Variants in ABCB1 observed in about 807,000 individuals in gnomAD.
ABCB1 encodes the protein ATP-dependent translocase ABCB1.
Under a neutral mutation model 142.0 loss-of-function variants are expected in ABCB1, and 69 were observed. The observed-to-expected ratio is 0.49, with a 90% CI of 0.40 to 0.59. The LOEUF (loss-of-function observed/expected upper bound fraction) is 0.59. Among genes scored for constraint, ABCB1 ranks in the 20% least tolerant of loss-of-function variants. The pLI is 0.00. For synonymous variants in ABCB1, 532 were observed against 539.2 expected (o/e 0.99, Z 0.18); for missense variants, 1,326 against 1,554.7 (o/e 0.85, Z 2.47).
rs144340377 is a variant in ABCB1 at position 87,625,413 on chromosome 7, G to A, written c.-330-24335C>T. ...AGGATATTAACATCTCACTTTTCTCGTTCTGTCATGACCACTCACTTTTAT... is the reference window on the plus strand; with the variant it reads ...AGGATATTAACATCTCACTTTTCTCATTCTGTCATGACCACTCACTTTTAT... On this transcript the variant is annotated intron_variant, in intron 1 of 28. Coordinates refer to the ABCB1 transcript ENST00000265724. Among the ~76,000 whole-genome samples the A allele has an allele frequency of 1.7e-3, 255 of 152,202 alleles. 1 individual carries two copies. The highest frequency in any genetic ancestry group is 5.0e-3 in the African/African-American group (206 of 41,518).
chr7:87,599,167 A>G (rs960657853), intron 2 of ABCB1, among the ~76,000 whole-genome samples: 2 of 152,132 alleles, frequency 1.3e-5, no homozygotes, highest in East Asian at 3.8e-4. Context: ...TTATCTTATA[A>G]TTTACATTAC....
intron 1 of ABCB1, chr7:87,700,430 C>A: frequency 6.2e-7 from 1 of 1,601,708 alleles, no homozygotes; most frequent in Non-Finnish European, 8.5e-7. Flanking sequence ...GGTCAAGTAA[C>A]CTGGTTTGGT....
chr7:87,631,040 T>C (rs562803287), intron 1 of ABCB1, among the ~76,000 whole-genome samples: 9 of 152,368 alleles, frequency 5.9e-5, no homozygotes, highest in Admixed American at 3.3e-4. Context: ...AGTTACAGTT[T>C]ACACATAGAT....
At chr7:87,703,885 C>CTTTTTTTTTTTTTTTTTTTTTTTT in intron 1 of ABCB1, among the ~76,000 whole-genome samples, 15 of 60,288 alleles carry the variant, frequency 2.5e-4, no homozygotes, top group Non-Finnish European at 3.5e-4. Flanking sequence ...TCAGTTTTTT[C>CTTTTTTTTTTTTTTTTTTTTTTTT]TTTTTTTTTT....
Position 87,661,465 on chromosome 7 carries a change from A to G in ABCB1, c.-331+51696T>C, listed in dbSNP as rs533477403. 9.3e-5 allele frequency among the ~76,000 whole-genome samples: 14 copies of G among 150,962 alleles called. No homozygotes were observed. In the East Asian group the frequency reaches 1.4e-3, roughly 15 times the overall value. ...AACCATTATTTTACTCTCTATCTCT[A>G]TAAGTTTAACTGTTTTTAATTTTTA... is the stretch of plus-strand genomic sequence containing the variant. On this transcript the variant is annotated intron_variant, in intron 1 of 28. Transcript: ENST00000265724.
intron 1 of ABCB1, among the ~76,000 whole-genome samples, chr7:87,675,676 AAAAG>A (rs1020650033): frequency 2.0e-5 from 3 of 150,538 alleles, no homozygotes; most frequent in Non-Finnish European, 4.4e-5. Context: ...AAAAAAAGGA[AAAAG>A]AAAGAAGGAA....
At chr7:87,696,523 T>G (rs1409916154) in intron 1 of ABCB1, among the ~76,000 whole-genome samples, 1 of 152,186 alleles carries the variant, frequency 6.6e-6, no homozygotes, top group East Asian at 1.9e-4. Context: ...ATTATTTAGA[T>G]GAAATCCTAG....
chr7:87,666,069 C>A (rs1381285996), intron 1 of ABCB1, among the ~76,000 whole-genome samples: 2 of 152,094 alleles, frequency 1.3e-5, no homozygotes, highest in African/African-American at 4.8e-5. Flanking sequence ...CTGTCTTCCA[C>A]AATGACTGAT....
intron 4 of ABCB1, among the ~76,000 whole-genome samples, chr7:87,572,026 C>T (rs1381561293): frequency 6.6e-6 from 1 of 152,174 alleles, no homozygotes; most frequent in African/African-American, 2.4e-5. Context: ...GTCAATACAA[C>T]AATAAACTTT....
chr7:87,633,640 G>T (rs1346035850), intron 1 of ABCB1, among the ~76,000 whole-genome samples: 5 of 151,862 alleles, frequency 3.3e-5, no homozygotes, highest in African/African-American at 1.2e-4. Context: ...ACCTGGGAAA[G>T]TATATAACTA....
intron 1 of ABCB1, among the ~76,000 whole-genome samples, chr7:87,652,664 A>G (rs1823702769): frequency 1.3e-5 from 2 of 148,216 alleles, no homozygotes; most frequent in Admixed American, 1.3e-4. Flanking sequence ...GTATGAAATA[A>G]TCTGTAACTT....
At position 87,520,666 on chromosome 7, in the gene ABCB1, G is replaced by A. The variant is rs74615142; in HGVS notation, c.2786+110C>T. On this transcript the variant is annotated intron_variant, in intron 22 of 27. Transcript: ENST00000622132. ...CTGTTTCTCAATGGTTTACCTTCGA[G>A]CACTTTCTCCACTTGCTCCCTACCT... 2.0e-4 allele frequency: 184 copies of A among 926,292 alleles called. 2 individuals carry two copies. The highest frequency in any genetic ancestry group is 1.8e-3 in the South Asian group (139 of 75,500). The allele number at this position is 926,292 out of a possible 1,614,324, so 57.4% of individuals were successfully genotyped here.
rs1375773702 is a variant in ABCB1 at position 87,531,447 on chromosome 7, C to T, written c.2532G>A (p.Gly844=). 2 of 1,613,338 alleles carry T rather than the reference C, an allele frequency of 1.2e-6. No individual in the cohort carries two copies. The highest frequency in any genetic ancestry group is 2.2e-5 in the South Asian group (2 of 91,072). Residue 844 remains glycine, a synonymous_variant, in exon 21 of 28, where the codon GGG becomes GGA. Coordinates refer to ENST00000622132, the MANE Select transcript of ABCB1 (RefSeq NM_001348946.2). ...AVITQNIANL[G]TGIIISFIYG... ...AGATGAAGGATATAATTATTCCTGT[C>T]CCAAGATTTGCTATATTCTGGGTAA...
At chr7:87,652,915 A>G (rs747278488) in intron 1 of ABCB1, among the ~76,000 whole-genome samples, 18 of 152,014 alleles carry the variant, frequency 1.2e-4, no homozygotes, top group Non-Finnish European at 2.5e-4. Flanking sequence ...CTTTTCTACA[A>G]CTACTGGTTA....
rs987157420 is a variant in ABCB1 at position 87,680,726 on chromosome 7, C to T, written c.-331+32435G>A. ...AGGAGAATCACTTGAACCTGGGAGG[C>T]GGAGGGTGCAGTGAGCCAAGATCGC... On this transcript the variant is annotated intron_variant, in intron 1 of 28. Coordinates refer to the ABCB1 transcript ENST00000265724. Among the ~76,000 whole-genome samples, 4 of 149,524 alleles carry T rather than the reference C, an allele frequency of 2.7e-5. 1 individual carries two copies. Among genetic ancestry groups the T allele is most frequent in the African/African-American group, 1.0e-4 (4 of 40,110 alleles).
At chr7:87,589,715 G>A (rs1584905828) in intron 3 of ABCB1, among the ~76,000 whole-genome samples, 1 of 151,756 alleles carries the variant, frequency 6.6e-6, no homozygotes, top group Middle Eastern at 3.4e-3. Context: ...AGCCTGGGTG[G>A]TTGAACCTGC....
chr7:87,540,907 A>G lies in ABCB1; in HGVS notation c.2319+450T>C, dbSNP rs28381939. ...CTGAAATGATTCTTTCTCCTTGAACAAAAGTTGAACGATAAACTCTTCAAA... is the reference window on the plus strand; with the variant it reads ...CTGAAATGATTCTTTCTCCTTGAACGAAAGTTGAACGATAAACTCTTCAAA... On this transcript the variant is annotated intron_variant, in intron 18 of 27. Transcript: ENST00000622132. Among the ~76,000 whole-genome samples, 187 of 152,368 alleles carry G rather than the reference A, an allele frequency of 1.2e-3. 1 individual carries two copies. Among genetic ancestry groups the G allele is most frequent in the African/African-American group, 4.4e-3 (181 of 41,586 alleles).
chr7:87,606,619 A>G (rs1026964490), intron 1 of ABCB1, among the ~76,000 whole-genome samples: 5 of 152,130 alleles, frequency 3.3e-5, no homozygotes, highest in African/African-American at 7.2e-5. Context: ...GAAAATACCT[A>G]TGCTAATATG....
At chr7:87,519,507 C>T in intron 22 of ABCB1, 41 bp from the exon 23 acceptor site, 1 of 1,612,582 alleles carries the variant, frequency 6.2e-7, no homozygotes, top group Non-Finnish European at 8.5e-7. Context: ...ACTTTCATTT[C>T]TCAGTCCTTA....
Sources: allele counts gnomAD v4.1 joint callset (sites outside exome capture counted in the v4.1 genomes callset), GRCh38; gene constraint gnomAD v4.1.1; transcripts MANE v1.5; gene names NCBI Gene and HGNC (gene_info 2026-07-23, HGNC 2026-07-21).